Variants in C16orf74 observed in about 807,000 individuals in gnomAD.
The protein encoded by C16orf74 is calcimembrin.
Under a neutral mutation model 6.5 loss-of-function variants are expected in C16orf74, and 10 were observed. That is an observed-to-expected ratio of 1.54 (90% CI 0.95 to 2.61). C16orf74 has a LOEUF of 2.61. Among genes scored for constraint, C16orf74 ranks in the 30% most tolerant of loss-of-function variants. The pLI, the probability that C16orf74 is intolerant of heterozygous loss-of-function variation, is 0.00. For missense variants in C16orf74, 141 were observed against 105.9 expected (o/e 1.33, Z -1.45); for synonymous variants, 60 against 42.5 (o/e 1.41, Z -1.60).
chr16:85,744,837 A>AG (rs1268731343), intron 1 of C16orf74, among the ~76,000 whole-genome samples: 1 of 122,630 alleles, frequency 8.2e-6, no homozygotes, highest in Non-Finnish European at 1.9e-5. Flanking sequence ...CTCAAAAAAA[A>AG]AAAAAAAAAA....
chr16:85,745,009 C>T lies in C16orf74; in HGVS notation c.-19+5917G>A, dbSNP rs553923301. ...ATACAAAATTAGCCAGGCATTGTGG[C>T]GCACGCCTGTAATCCCAGCTACTCG... On this transcript the variant is annotated intron_variant, in intron 1 of 3. Transcript: ENST00000284245. Among the ~76,000 whole-genome samples, 18 of 151,282 alleles carry T rather than the reference C, an allele frequency of 1.2e-4. No homozygotes were observed. In the South Asian group the frequency reaches 1.9e-3, roughly 16 times the overall value.
chr16:85,710,222 G>A lies in C16orf74; in HGVS notation c.114C>T (p.Ile38=). 6.7e-7 allele frequency: 1 copy of A among 1,501,702 alleles called. No individual in the cohort carries two copies. The highest frequency in any genetic ancestry group is 8.8e-7 in the Non-Finnish European group (1 of 1,137,248). 93.0% of individuals were successfully genotyped at this position (1,501,702 alleles called of 1,614,324 possible). The part of the protein sequence containing the change: ...LNDKHLDVPD[I]IITPPTPTGM... ...CCGTGGGGGTGGGGGGCGTGATGAT[G>A]ATGTCGGGCACGTCCAGGTGCTTGT... The change falls in exon 3 of 4, where the codon ATC becomes ATT. Residue 38 remains isoleucine (I), a synonymous_variant. Transcript: ENST00000284245.
Position 85,708,083 on chromosome 16 carries a change from A to T in C16orf74, c.173-17T>A. 6.5e-7 allele frequency: 1 copy of T among 1,550,338 alleles called. No homozygotes were observed. Among genetic ancestry groups the T allele is most frequent in the Non-Finnish European group, 8.7e-7 (1 of 1,145,402 alleles). On this transcript the variant is annotated splice_polypyrimidine_tract_variant and intron_variant, in intron 3 of 3. Coordinates refer to ENST00000284245, the MANE Select transcript of C16orf74 (RefSeq NM_206967.3). ...CCAGCCAGACTAGGAGAAAGAGGGGATGGACACCTGGATGCACCCTGCCCC... is the reference window on the plus strand; with the variant it reads ...CCAGCCAGACTAGGAGAAAGAGGGGTTGGACACCTGGATGCACCCTGCCCC...
At chr16:85,731,699 T>C (rs957792186) in intron 2 of C16orf74, among the ~76,000 whole-genome samples, 19 of 152,188 alleles carry the variant, frequency 1.2e-4, no homozygotes, top group Non-Finnish European at 2.4e-4. Context: ...TCATTTTTTT[T>C]TTTTTTGAGA....
chr16:85,708,344 T>C (rs941168209), intron 3 of C16orf74, among the ~76,000 whole-genome samples: 1 of 152,148 alleles, frequency 6.6e-6, no homozygotes, highest in African/African-American at 2.4e-5. Flanking sequence ...CCCCCACTGG[T>C]CCTGGGAGCA....
Position 85,707,906 on chromosome 16 carries a change from A to G in C16orf74, c.*102T>C. On this transcript the variant is annotated 3_prime_UTR_variant, in exon 4 of 4. Coordinates refer to ENST00000284245, the MANE Select transcript of C16orf74 (RefSeq NM_206967.3). ...GGAGGCCCGGGTTCGCTCAGTTCCC[A>G]TCCAGGGTATTCAGCACACCTGCTC... is the stretch of plus-strand genomic sequence containing the variant. The G allele has an allele frequency of 2.0e-6, 2 of 1,013,318 alleles. No individual in the cohort carries two copies. Among genetic ancestry groups the G allele is most frequent in the Non-Finnish European group, 3.0e-6 (2 of 675,408 alleles). 62.8% of individuals were successfully genotyped at this position (1,013,318 alleles called of 1,614,324 possible).
At chr16:85,729,879 T>C (rs995892837) in intron 2 of C16orf74, among the ~76,000 whole-genome samples, 1 of 152,126 alleles carries the variant, frequency 6.6e-6, no homozygotes, top group African/African-American at 2.4e-5. Context: ...CCAGGGCCGA[T>C]TTCAGAACAA....
chr16:85,718,926 C>A (rs561605108), intron 2 of C16orf74, among the ~76,000 whole-genome samples: 2 of 152,232 alleles, frequency 1.3e-5, no homozygotes, highest in South Asian at 2.1e-4. Context: ...CGCCCCCTTG[C>A]GGTCACGCAG....
chr16:85,743,095 T>C (rs1199821643), intron 1 of C16orf74, among the ~76,000 whole-genome samples: 1 of 152,132 alleles, frequency 6.6e-6, no homozygotes, highest in Non-Finnish European at 1.5e-5. Flanking sequence ...TGTGGGAGTG[T>C]GGAGAGCCCT....
chr16:85,741,146 C>T (rs948704305), intron 1 of C16orf74, among the ~76,000 whole-genome samples: 1 of 152,218 alleles, frequency 6.6e-6, no homozygotes, highest in African/African-American at 2.4e-5. Flanking sequence ...GGCCTCCCCA[C>T]CATGGTCTCC....
At position 85,735,208 on chromosome 16, in the gene C16orf74, T is replaced by C; in HGVS notation, c.10A>G (p.Lys4Glu). 6.2e-7 allele frequency: 1 copy of C among 1,600,432 alleles called. No individual in the cohort carries two copies. Among genetic ancestry groups the C allele is most frequent in the Non-Finnish European group, 8.5e-7 (1 of 1,173,242 alleles). The change falls in exon 2 of 4, where the codon AAG becomes GAG. Residue 4 changes from lysine (K) to glutamate (E), a missense_variant. Physicochemically the swap from Lys to Glu is moderately conservative, Grantham distance 56. Coordinates refer to ENST00000284245, the MANE Select transcript of C16orf74 (RefSeq NM_206967.3). The stretch of plus-strand genomic sequence containing the variant: ...GCCTTACCTTTCAGGCAGGACATCT[T>C]AAGCCCCATGTCGGCACCTCTGCAG... MGL[K>E]MSCLKGFQMC...
Position 85,749,370 on chromosome 16 carries a change from C to T in C16orf74, c.-19+1556G>A, listed in dbSNP as rs548739221. On this transcript the variant is annotated intron_variant, in intron 1 of 3. Coordinates refer to ENST00000284245, the MANE Select transcript of C16orf74 (RefSeq NM_206967.3). ...GCGTGATCATAGCTCACTGTAGCCT[C>T]AACTTCTTGGGCTCAAGGAAACCTC... Among the ~76,000 whole-genome samples the T allele has an allele frequency of 1.9e-3, 291 of 152,240 alleles. 2 individuals are homozygous for T. The highest frequency in any genetic ancestry group is 0.014 in the Middle Eastern group (4 of 292).
chr16:85,734,975 C>T (rs889266742), intron 2 of C16orf74, among the ~76,000 whole-genome samples: 5 of 152,234 alleles, frequency 3.3e-5, no homozygotes, highest in Non-Finnish European at 4.4e-5. Context: ...CTGCCACCTT[C>T]CCAGTCACCC....
chr16:85,707,929 C>T lies in C16orf74; in HGVS notation c.*79G>A. ...CCATCCAGGGTATTCAGCACACCTG[C>T]TCCAGGCAGCCACGCCCCCGGACAC... On this transcript the variant is annotated 3_prime_UTR_variant, in exon 4 of 4. Transcript: ENST00000284245. The T allele has an allele frequency of 7.7e-7, 1 of 1,290,554 alleles. No individual in the cohort carries two copies. The highest frequency in any genetic ancestry group is 1.1e-6 in the Non-Finnish European group (1 of 917,984). 79.9% of individuals were successfully genotyped at this position (1,290,554 alleles called of 1,614,324 possible). A position where few individuals can be genotyped will look rare whatever the true frequency, so the allele number is the denominator to read the frequency against.
intron 2 of C16orf74, among the ~76,000 whole-genome samples, chr16:85,731,047 A>G (rs1365074990): frequency 1.3e-5 from 2 of 152,142 alleles, no homozygotes; most frequent in East Asian, 1.9e-4. Flanking sequence ...GTCAAAATCT[A>G]TTTCTACTGG....
intron 1 of C16orf74, among the ~76,000 whole-genome samples, chr16:85,738,723 T>G (rs2054271529): frequency 1.3e-5 from 2 of 149,844 alleles, no homozygotes; most frequent in African/African-American, 4.9e-5. Context: ...AGCGGAGGAG[T>G]GGGGCTGGGG....
intron 1 of C16orf74, among the ~76,000 whole-genome samples, chr16:85,744,770 C>T (rs1223696358): frequency 1.5e-5 from 2 of 136,518 alleles, no homozygotes; most frequent in Non-Finnish European, 3.0e-5. Flanking sequence ...GCAGAGCTTG[C>T]AGTGAGCCGA....
chr16:85,732,802 C>A (rs980648978), intron 2 of C16orf74, among the ~76,000 whole-genome samples: 41 of 152,112 alleles, frequency 2.7e-4, no homozygotes, highest in Admixed American at 7.9e-4. Flanking sequence ...CCGGCAGCAC[C>A]AAAGCCAGCC....
intron 2 of C16orf74, among the ~76,000 whole-genome samples, chr16:85,723,243 G>C (rs1035895766): frequency 3.3e-5 from 4 of 121,638 alleles, no homozygotes; most frequent in African/African-American, 9.6e-5. Context: ...CTGGGCAACA[G>C]AGCAAGACTC....
Sources: allele counts gnomAD v4.1 joint callset (sites outside exome capture counted in the v4.1 genomes callset), GRCh38; gene constraint gnomAD v4.1.1; transcripts MANE v1.5; gene names NCBI Gene and HGNC (gene_info 2026-07-23, HGNC 2026-07-21).